Variants in FAM168B observed in about 807,000 individuals in gnomAD.
FAM168B encodes myelin-associated neurite-outgrowth inhibitor.
FAM168B carries 19 observed loss-of-function variants against 21.8 expected under a neutral mutation model. The observed-to-expected ratio is 0.87, with a 90% CI of 0.61 to 1.28. FAM168B has a LOEUF of 1.28. FAM168B is among the 50% of genes most tolerant of loss of function. FAM168B has a pLI of 0.00. For missense variants in FAM168B, 233 were observed against 263.1 expected (o/e 0.89, Z 0.79); for synonymous variants, 126 against 104.8 (o/e 1.20, Z -1.24).
rs756055243 is a variant in FAM168B at position 131,049,486 on chromosome 2, GC to G, written c.*2978del. 113 of 985,284 alleles carry G rather than the reference GC, an allele frequency of 1.1e-4. No individual in the cohort carries two copies. The highest frequency in any genetic ancestry group is 1.3e-4 in the Non-Finnish European group (111 of 829,950). The allele number at this position is 985,284 out of a possible 1,614,324, so 61.0% of individuals were successfully genotyped here. A position where few individuals can be genotyped will look rare whatever the true frequency, so the allele number is the denominator to read the frequency against. On this transcript the variant is annotated 3_prime_UTR_variant, in exon 7 of 7. Transcript: ENST00000389915. ...GCCTTCAGGCCCATTACCATGACTG[GC>G]CCTGACTCTGGCCCTCACAGAGCGG...
rs549854734 is a variant in FAM168B at position 131,073,585 on chromosome 2, G to A, written c.71-1647C>T. Among the ~76,000 whole-genome samples the A allele has an allele frequency of 2.1e-4, 32 of 152,246 alleles. No individual in the cohort carries two copies. The South Asian group carries it at 5.8e-3, about 28-fold the overall frequency. On this transcript the variant is annotated intron_variant, in intron 2 of 6. Transcript: ENST00000389915. Reference sequence around the variant, plus strand: ...AAGTTCAGCCCCCTTTCTCTCTGACGCACTCGCTGCCCTTCCACCATCCAT... The same window carrying A: ...AAGTTCAGCCCCCTTTCTCTCTGACACACTCGCTGCCCTTCCACCATCCAT...
At chr2:131,093,090 G>C (rs1379929931) in intron 1 of FAM168B, 124 bp downstream of exon 1, 1 of 150,996 alleles carries the variant, frequency 6.6e-6, no homozygotes, top group African/African-American at 2.4e-5. Context: ...GCGCAGCCCA[G>C]GCCGGTCCAG....
At chr2:131,069,311 T>C (rs973633597) in intron 3 of FAM168B, among the ~76,000 whole-genome samples, 1 of 152,264 alleles carries the variant, frequency 6.6e-6, no homozygotes, top group African/African-American at 2.4e-5. Flanking sequence ...GTCTACGGCA[T>C]GATCATCACA....
chr2:131,087,305 C>T (rs1192222594), intron 1 of FAM168B, among the ~76,000 whole-genome samples: 2 of 151,952 alleles, frequency 1.3e-5, no homozygotes, highest in African/African-American at 2.4e-5. Context: ...CCCATCTCTA[C>T]TAAAAATACA....
At chr2:131,055,764 G>T in intron 3 of FAM168B, 69 bp from the exon 4 acceptor site, 1 of 1,563,772 alleles carries the variant, frequency 6.4e-7, no homozygotes, top group Non-Finnish European at 8.7e-7. Flanking sequence ...GACACAGGCA[G>T]GGAGGAGCTA....
chr2:131,071,887 A>G lies in FAM168B; in HGVS notation c.122T>C (p.Met41Thr). ...AAAAPAYSPNMYPGANPTFQT... is the reference protein window; with the variant it reads ...AAAAPAYSPNTYPGANPTFQT... ...GAAGGTAGGATTCGCTCCAGGATAC[A>G]TGTTAGGAGAATAGGCAGGAGCTGC... Residue 41 changes from methionine (M) to threonine (T), a missense_variant, in exon 3 of 7, where the codon ATG (methionine) becomes ACG (threonine). By Grantham distance (81) the Met-to-Thr change is moderately conservative. Coordinates refer to ENST00000389915, the MANE Select transcript of FAM168B (RefSeq NM_001009993.4). The G allele has an allele frequency of 6.2e-7, 1 of 1,614,118 alleles. No individual in the cohort carries two copies. Among genetic ancestry groups the G allele is most frequent in the East Asian group, 2.2e-5 (1 of 44,876 alleles).
At chr2:131,079,322 G>A (rs1437745751) in intron 2 of FAM168B, among the ~76,000 whole-genome samples, 4 of 152,128 alleles carry the variant, frequency 2.6e-5, no homozygotes, top group African/African-American at 9.7e-5. Flanking sequence ...ACAAAAATTA[G>A]TCGGGCGTGG....
chr2:131,071,476 A>T (rs7586251), intron 3 of FAM168B, among the ~76,000 whole-genome samples: 3,038 of 152,292 alleles, frequency 0.02, 106 homozygotes, highest in African/African-American at 0.069. Flanking sequence ...ATACTTTTTT[A>T]AAAAATATTA....
intron 1 of FAM168B, among the ~76,000 whole-genome samples, chr2:131,086,828 G>A (rs903275973): frequency 1.9e-5 from 2 of 103,100 alleles, no homozygotes; most frequent in Non-Finnish European, 3.8e-5. Flanking sequence ...CACTTTGGGA[G>A]GCCGAGGCGG....
intron 1 of FAM168B, among the ~76,000 whole-genome samples, chr2:131,091,225 G>C (rs186631088): frequency 1.5e-4 from 23 of 152,214 alleles, no homozygotes; most frequent in African/African-American, 5.5e-4. Flanking sequence ...TGTAATCTCA[G>C]CTACTCCGGA....
intron 2 of FAM168B, among the ~76,000 whole-genome samples, chr2:131,081,609 C>G (rs1023013585): frequency 2.6e-5 from 4 of 152,220 alleles, no homozygotes; most frequent in Admixed American, 6.5e-5. Flanking sequence ...ACTGTTTAGT[C>G]TATCTCTTTG....
chr2:131,053,648 G>A (rs1032374288), intron 5 of FAM168B, among the ~76,000 whole-genome samples: 2 of 151,900 alleles, frequency 1.3e-5, no homozygotes, highest in Non-Finnish European at 2.9e-5. Flanking sequence ...AGGCTGGGGT[G>A]GGAGGATAGC....
chr2:131,055,159 A>T, intron 5 of FAM168B, 113 bp downstream of exon 5: 1 of 1,074,312 alleles, frequency 9.3e-7, no homozygotes, highest in Non-Finnish European at 1.2e-6. Flanking sequence ...CTGTCCTTCC[A>T]CACAACTACA....
At chr2:131,092,254 T>C (rs1370697552) in intron 1 of FAM168B, among the ~76,000 whole-genome samples, 2 of 152,118 alleles carry the variant, frequency 1.3e-5, no homozygotes, top group East Asian at 1.9e-4. Context: ...GCCTGCTTTG[T>C]AAAGACAAAG....
chr2:131,084,451 C>G (rs533950450), intron 1 of FAM168B, among the ~76,000 whole-genome samples: 1 of 152,166 alleles, frequency 6.6e-6, no homozygotes, highest in South Asian at 2.1e-4. Context: ...CCACCCACCT[C>G]AGCTTCCCGA....
intron 2 of FAM168B, among the ~76,000 whole-genome samples, chr2:131,077,302 C>G (rs986149625): frequency 6.6e-6 from 1 of 151,972 alleles, no homozygotes; most frequent in African/African-American, 2.4e-5. Context: ...ACGCCGCCTG[C>G]ATCTCTTTTC....
chr2:131,048,407 G>GC lies in FAM168B; in HGVS notation c.*4057_*4058insG. The GC allele has an allele frequency of 2.7e-6, 3 of 1,121,816 alleles. No homozygotes were observed. In the East Asian group the frequency reaches 2.2e-4, roughly 80 times the overall value. 69.5% of individuals were successfully genotyped at this position (1,121,816 alleles called of 1,614,324 possible). On this transcript the variant is annotated 3_prime_UTR_variant, in exon 7 of 7. Transcript: ENST00000389915. ...GAGCACACCACCCTTCTGCAGGCCC[G>GC]GGGGGGGGTCCCTACACAGACGCCG...
Position 131,048,535 on chromosome 2 carries a change from A to G in FAM168B, c.*3930T>C, listed in dbSNP as rs1691438484. The G allele has an allele frequency of 2.7e-6, 3 of 1,120,962 alleles. No individual in the cohort carries two copies. The highest frequency in any genetic ancestry group is 2.3e-5 in the South Asian group (1 of 44,278). 69.4% of individuals were successfully genotyped at this position (1,120,962 alleles called of 1,614,324 possible). ...CTCTTCTTCAAATAATGAGTAGGAA[A>G]AAGAGACAAACTTTCTGAAACATGC... On this transcript the variant is annotated 3_prime_UTR_variant, in exon 7 of 7. Transcript: ENST00000389915.
rs991761418 is a variant in FAM168B at position 131,050,395 on chromosome 2, T to C, written c.*2070A>G. 4.1e-6 allele frequency: 4 copies of C among 985,744 alleles called. No homozygotes were observed. Among genetic ancestry groups the C allele is most frequent in the Non-Finnish European group, 3.6e-6 (3 of 829,930 alleles). The allele number at this position is 985,744 out of a possible 1,614,324, so 61.1% of individuals were successfully genotyped here. ...TGGTCAGCTGAACCCCTGGAACCGTTAGAACCTACTAATCCTGCCAACCAT... is the reference window on the plus strand; with the variant it reads ...TGGTCAGCTGAACCCCTGGAACCGTCAGAACCTACTAATCCTGCCAACCAT... On this transcript the variant is annotated 3_prime_UTR_variant, in exon 7 of 7. Coordinates refer to ENST00000389915, the MANE Select transcript of FAM168B (RefSeq NM_001009993.4).
Sources: allele counts gnomAD v4.1 joint callset (sites outside exome capture counted in the v4.1 genomes callset), GRCh38; gene constraint gnomAD v4.1.1; transcripts MANE v1.5; gene names NCBI Gene and HGNC (gene_info 2026-07-23, HGNC 2026-07-21).